The following PCTP variants were observed in gnomAD, a reference collection of about 807,000 sequenced individuals.
PCTP encodes the protein START domain-containing protein 2.
In PCTP, 27 loss-of-function variants were observed where a neutral mutation model predicts 31.0. That is an observed-to-expected ratio of 0.87 (90% CI 0.64 to 1.20). The LOEUF is 1.20. Among genes scored for constraint, PCTP ranks in the 50% most tolerant of loss-of-function variants. PCTP has a pLI of 0.00. For synonymous variants in PCTP, 108 were observed against 101.2 expected (o/e 1.07, Z -0.40); for missense variants, 287 against 268.2 (o/e 1.07, Z -0.49).
At chr17:55,838,968 C>A (rs1452217604) in intron 5 of PCTP, among the ~76,000 whole-genome samples, 1 of 152,154 alleles carries the variant, frequency 6.6e-6, no homozygotes, top group Non-Finnish European at 1.5e-5. Flanking sequence ...TGTCATCTTG[C>A]TAGAAGGAAG....
chr17:55,818,343 C>A (rs945663826), intron 3 of PCTP, among the ~76,000 whole-genome samples: 6 of 152,194 alleles, frequency 3.9e-5, no homozygotes, highest in African/African-American at 1.4e-4. Flanking sequence ...CTCCTCCTGG[C>A]TATTCCAACA....
chr17:55,842,186 G>A (rs1906005451), intron 5 of PCTP, among the ~76,000 whole-genome samples: 1 of 152,138 alleles, frequency 6.6e-6, no homozygotes, highest in Non-Finnish European at 1.5e-5. Flanking sequence ...GTTACAATAA[G>A]AGATACACAA....
chr17:55,771,159 T>C lies in PCTP; in HGVS notation c.313T>C (p.Tyr105His). 1 of 1,612,568 alleles carries C rather than the reference T, an allele frequency of 6.2e-7. No homozygotes were observed. Reference sequence around the variant, plus strand: ...GACTGTGGTCTACTGGGAAGTGAAGTACCCTTTTCCCATGTCCAACAGAGA... The same window carrying C: ...GACTGTGGTCTACTGGGAAGTGAAGCACCCTTTTCCCATGTCCAACAGAGA... The part of the protein sequence containing the change: ...GETVVYWEVK[Y>H]PFPMSNRDYV... The change falls in exon 3 of 6, where the codon TAC (tyrosine) becomes CAC (histidine). Residue 105 changes from tyrosine to histidine, a missense_variant. Physicochemically the swap from Tyr to His is moderately conservative, Grantham distance 83. Transcript: ENST00000268896.
intron 1 of PCTP, among the ~76,000 whole-genome samples, chr17:55,764,793 T>C (rs1455053692): frequency 6.6e-6 from 1 of 152,210 alleles, no homozygotes; most frequent in Admixed American, 6.5e-5. Flanking sequence ...CATTCATGCA[T>C]GATTAACCAG....
intron 3 of PCTP, among the ~76,000 whole-genome samples, chr17:55,810,466 C>T (rs1912713793): frequency 6.6e-6 from 1 of 152,214 alleles, no homozygotes; most frequent in Non-Finnish European, 1.5e-5. Context: ...ACTGAGACTC[C>T]AGGGGTAGGG....
chr17:55,773,406 C>T (rs1199539103), intron 3 of PCTP, among the ~76,000 whole-genome samples: 1 of 152,188 alleles, frequency 6.6e-6, no homozygotes, highest in Non-Finnish European at 1.5e-5. Flanking sequence ...GACCACACAG[C>T]TGTTAAGTGA....
chr17:55,785,455 GAC>G (rs756303305), intron 2 of PCTP, among the ~76,000 whole-genome samples: 46 of 152,244 alleles, frequency 3.0e-4, no homozygotes, highest in Non-Finnish European at 5.4e-4. Flanking sequence ...GCTAAGCCAA[GAC>G]ACACTGGAAC....
the PCTP span, among the ~76,000 whole-genome samples, chr17:55,850,000 T>G: frequency 1.3e-5 from 2 of 152,160 alleles, no homozygotes; most frequent in Admixed American, 1.3e-4. Flanking sequence ...TATAAACAGT[T>G]TAAATAAGAA....
intron 3 of PCTP, among the ~76,000 whole-genome samples, chr17:55,808,126 C>G (rs1353149850): frequency 6.6e-6 from 1 of 152,096 alleles, no homozygotes; most frequent in African/African-American, 2.4e-5. Flanking sequence ...TACCTCAACT[C>G]AAATATATGA....
chr17:55,845,753 G>A (rs1272723870), downstream of PCTP, among the ~76,000 whole-genome samples: 1 of 151,812 alleles, frequency 6.6e-6, no homozygotes, highest in Non-Finnish European at 1.5e-5. Context: ...TGAGGGCCGA[G>A]CCCCCCCGTG....
chr17:55,846,224 A>C (rs192108730), downstream of PCTP, among the ~76,000 whole-genome samples: 11 of 152,206 alleles, frequency 7.2e-5, no homozygotes, highest in Admixed American at 4.6e-4. Context: ...TTAAAGATGA[A>C]AATTTCCTGT....
At chr17:55,821,750 A>T (rs925772503) in intron 3 of PCTP, among the ~76,000 whole-genome samples, 1 of 152,110 alleles carries the variant, frequency 6.6e-6, no homozygotes, top group Non-Finnish European at 1.5e-5. Context: ...TAGGATTTTA[A>T]CTCATTTTTG....
chr17:55,809,767 C>T (rs918143764), intron 3 of PCTP, among the ~76,000 whole-genome samples: 5 of 152,098 alleles, frequency 3.3e-5, no homozygotes, highest in Non-Finnish European at 7.4e-5. Context: ...ATGACTCGCC[C>T]GCCTCGGCGT....
intron 5 of PCTP, among the ~76,000 whole-genome samples, chr17:55,836,232 T>C (rs1303018995): frequency 6.6e-6 from 1 of 152,212 alleles, no homozygotes; most frequent in Admixed American, 6.5e-5. Context: ...TATTTTCCAA[T>C]TCATAAAAAA....
chr17:55,801,304 G>A (rs143534010), intron 3 of PCTP, among the ~76,000 whole-genome samples: 5 of 152,208 alleles, frequency 3.3e-5, no homozygotes, highest in Admixed American at 6.5e-5. Context: ...AGACAGATCA[G>A]TGTGGCAGAA....
At chr17:55,814,780 G>C (rs1031486030) in intron 3 of PCTP, among the ~76,000 whole-genome samples, 3 of 152,306 alleles carry the variant, frequency 2.0e-5, no homozygotes, top group Middle Eastern at 3.4e-3. Context: ...ACACCACTCA[G>C]TTTACTTTGA....
At chr17:55,767,174 A>T in intron 1 of PCTP, among the ~76,000 whole-genome samples, 161 bp from the exon 2 acceptor site, 1 of 152,040 alleles carries the variant, frequency 6.6e-6, no homozygotes, top group Non-Finnish European at 1.5e-5. Flanking sequence ...CCTTTGTCAG[A>T]TGAGTAGGTT....
chr17:55,774,022 A>G (rs1382702312), intron 4 of PCTP, 127 bp downstream of exon 4: 1 of 1,140,116 alleles, frequency 8.8e-7, no homozygotes. Context: ...AAAGCTGCAG[A>G]GCAAACCAGG....
chr17:55,830,865 G>A (rs1278613880), intron 5 of PCTP, among the ~76,000 whole-genome samples: 1 of 152,166 alleles, frequency 6.6e-6, no homozygotes, highest in South Asian at 2.1e-4. Flanking sequence ...GTGTCAGGCC[G>A]GCTGCTGTGA....
Sources: allele counts gnomAD v4.1 joint callset (sites outside exome capture counted in the v4.1 genomes callset), GRCh38; gene constraint gnomAD v4.1.1; transcripts MANE v1.5; gene names NCBI Gene and HGNC (gene_info 2026-07-23, HGNC 2026-07-21).